The following MEPE variants were observed in gnomAD, a reference collection of about 807,000 sequenced individuals.
MEPE encodes the protein matrix, extracellular phosphoglycoprotein with ASARM motif (bone).
A neutral mutation model predicts 7.3 loss-of-function variants in MEPE; 7 were observed. The ratio of observed to expected loss-of-function variants is 0.95; its 90% CI spans 0.54 to 1.79. The LOEUF (loss-of-function observed/expected upper bound fraction) is 1.79. Ranked by LOEUF, MEPE falls within the 40% of genes most tolerant of loss-of-function variation. The probability of loss-of-function intolerance (pLI) is 0.00; values close to 1 mark genes in which losing one functional copy is unlikely to be tolerated. For synonymous variants in MEPE, 214 were observed against 213.1 expected, an observed-to-expected ratio of 1.00 and a Z score of -0.04; for missense variants, 623 against 628.2, an observed-to-expected ratio of 0.99 and a Z score of 0.09.
chr4:87,843,331 G>A (rs528415469), intron 3 of MEPE, among the ~76,000 whole-genome samples: 1 of 152,072 alleles, frequency 6.6e-6, no homozygotes, highest in South Asian at 2.1e-4. Flanking sequence ...ACAAGTCTCC[G>A]GCACTCTGTT....
intron 1 of MEPE, among the ~76,000 whole-genome samples, chr4:87,823,339 C>T (rs760479865): frequency 2.0e-5 from 3 of 152,190 alleles, no homozygotes; most frequent in African/African-American, 4.8e-5. Flanking sequence ...TCCTTCAACA[C>T]GATGACTCAA....
At chr4:87,839,408 G>T (rs73840165) in intron 3 of MEPE, among the ~76,000 whole-genome samples, 1 of 152,030 alleles carries the variant, frequency 6.6e-6, no homozygotes, top group African/African-American at 2.4e-5. Context: ...TTCCATAGAC[G>T]TTTGGTAATA....
At chr4:87,844,541 G>A (rs1723132832) in intron 3 of MEPE, among the ~76,000 whole-genome samples, 1 of 151,808 alleles carries the variant, frequency 6.6e-6, no homozygotes, top group Admixed American at 6.6e-5. Context: ...ACTCCTTTAG[G>A]CAGATGAATA....
At chr4:87,828,173 T>C (rs115488542), upstream of MEPE, among the ~76,000 whole-genome samples, 1,763 of 152,316 alleles carry the variant, frequency 0.012, 9 homozygotes, top group South Asian at 0.018. Flanking sequence ...TAAGCATCTG[T>C]ATGGTAAAGA....
chr4:87,843,906 G>A (rs1046635161), intron 3 of MEPE, among the ~76,000 whole-genome samples: 1 of 152,100 alleles, frequency 6.6e-6, no homozygotes, highest in Non-Finnish European at 1.5e-5. Flanking sequence ...GACATGCATG[G>A]GATAATGTTG....
At chr4:87,834,148 T>C (rs180837398) in intron 1 of MEPE, among the ~76,000 whole-genome samples, 1 of 152,336 alleles carries the variant, frequency 6.6e-6, no homozygotes, top group Non-Finnish European at 1.5e-5. Flanking sequence ...ATTCAATAAA[T>C]GTTAGCCATT....
upstream of MEPE, among the ~76,000 whole-genome samples, chr4:87,831,871 T>C (rs1722608147): frequency 6.6e-6 from 1 of 152,090 alleles, no homozygotes; most frequent in Admixed American, 6.6e-5. Flanking sequence ...GGTCTTCCCA[T>C]AGACAGTCAT....
intron 1 of MEPE, among the ~76,000 whole-genome samples, 165 bp downstream of exon 1, chr4:87,833,179 G>A (rs72875470): frequency 0.068 from 10,363 of 152,064 alleles, 1,193 homozygotes; most frequent in African/African-American, 0.24. Context: ...TAGGAAATGC[G>A]TTACCATGCT....
At chr4:87,843,359 T>C (rs1723086942) in intron 3 of MEPE, among the ~76,000 whole-genome samples, 1 of 152,196 alleles carries the variant, frequency 6.6e-6, no homozygotes, top group Admixed American at 6.5e-5. Context: ...GCAGACCTAA[T>C]TGGATATGAT....
intron 2 of MEPE, among the ~76,000 whole-genome samples, chr4:87,836,116 T>C (rs574939494): frequency 1.3e-5 from 2 of 152,246 alleles, no homozygotes; most frequent in South Asian, 4.1e-4. Context: ...CTGTGAATCA[T>C]TAAATATGAT....
Position 87,843,259 on chromosome 4 carries a change from T to G in MEPE, c.109-1718T>G, listed in dbSNP as rs1409467498. On this transcript the variant is annotated intron_variant, in intron 3 of 3. Coordinates refer to ENST00000361056, the MANE Select transcript of MEPE (RefSeq NM_020203.6). ...TATTTTGTTAATCTCCTGTGAACTTTCACTAGCTCTTCATACTCTACAAAA... is the reference window on the plus strand; with the variant it reads ...TATTTTGTTAATCTCCTGTGAACTTGCACTAGCTCTTCATACTCTACAAAA... 4.6e-5 allele frequency among the ~76,000 whole-genome samples: 7 copies of G among 152,190 alleles called. No homozygotes were observed. In the South Asian group the frequency reaches 1.4e-3, roughly 31 times the overall value.
chr4:87,839,573 G>A, intron 3 of MEPE: 1 of 716,604 alleles, frequency 1.4e-6, no homozygotes, highest in African/African-American at 1.8e-5. Flanking sequence ...ATTTGTCAGA[G>A]GTAGAATTCA....
Position 87,846,681 on chromosome 4 carries a change from A to C in MEPE, c.*235A>C. The C allele has an allele frequency of 2.2e-6, 1 of 452,924 alleles. No homozygotes were observed. The highest frequency in any genetic ancestry group is 5.1e-5 in the South Asian group (1 of 19,796). 28.1% of individuals were successfully genotyped at this position (452,924 alleles called of 1,614,324 possible). A position where few individuals can be genotyped will look rare whatever the true frequency, so the allele number is the denominator to read the frequency against. On this transcript the variant is annotated 3_prime_UTR_variant, in exon 4 of 4. Coordinates refer to ENST00000361056, the MANE Select transcript of MEPE (RefSeq NM_020203.6). Reference sequence around the variant, plus strand: ...AAAAAAAATCATTACAGATCTATGAAATAGGTAACATTTGAGTAGGTGTCA... The same window carrying C: ...AAAAAAAATCATTACAGATCTATGACATAGGTAACATTTGAGTAGGTGTCA...
intron 3 of MEPE, among the ~76,000 whole-genome samples, chr4:87,841,479 T>C (rs1723011460): frequency 6.6e-6 from 1 of 152,174 alleles, no homozygotes. Flanking sequence ...CTTTTACAAA[T>C]AAGTAATTTC....
intron 2 of MEPE, among the ~76,000 whole-genome samples, chr4:87,835,476 T>C (rs1043972699): frequency 6.6e-6 from 1 of 152,230 alleles, no homozygotes; most frequent in Non-Finnish European, 1.5e-5. Flanking sequence ...CTTATCAGAA[T>C]AACCTTTTTG....
chr4:87,823,050 T>C lies in MEPE; in HGVS notation c.-13+1579T>C, dbSNP rs145339985. On this transcript the variant is annotated intron_variant, in intron 1 of 3. Coordinates refer to the MEPE transcript ENST00000424957. ...ATCTCAAAGTTTGGGAAGCATTGAGTGTCCTGGACGTTTCAGAAGGAGGCT... is the reference window on the plus strand; with the variant it reads ...ATCTCAAAGTTTGGGAAGCATTGAGCGTCCTGGACGTTTCAGAAGGAGGCT... 4.7e-3 allele frequency among the ~76,000 whole-genome samples: 719 copies of C among 152,268 alleles called. 5 individuals carry two copies. Among genetic ancestry groups the C allele is most frequent in the Admixed American group, 9.2e-3 (140 of 15,298 alleles).
chr4:87,846,329 A>T lies in MEPE; in HGVS notation c.1461A>T (p.Gln487His). ...CTACACGGAATAAGGGTATGCCACAAGGGAAAGGCTCCTGGGGTAGACAAC... is the reference window on the plus strand; with the variant it reads ...CTACACGGAATAAGGGTATGCCACATGGGAAAGGCTCCTGGGGTAGACAAC... ...NNSTRNKGMP[Q>H]GKGSWGRQPH... is the part of the protein sequence containing the mutation. Residue 487 changes from glutamine to histidine, a missense_variant, in exon 4 of 4, where the codon CAA (glutamine) becomes CAT (histidine). Transcript: ENST00000361056. The T allele has an allele frequency of 1.2e-6, 2 of 1,614,092 alleles. No homozygotes were observed. Among genetic ancestry groups the T allele is most frequent in the Non-Finnish European group, 1.7e-6 (2 of 1,179,966 alleles).
In MEPE at chr4:87,840,865, G is replaced by GAGTTTTTTCCATGCTTTCCAT. The variant is rs554187569; in HGVS notation, c.108+2180_108+2181insAGTTTTTTCCATGCTTTCCAT. 2.2e-4 allele frequency among the ~76,000 whole-genome samples: 34 copies of GAGTTTTTTCCATGCTTTCCAT among 152,278 alleles called. No individual in the cohort carries two copies. The South Asian group carries it at 6.6e-3, about 30-fold the overall frequency. The stretch of plus-strand genomic sequence containing the variant: ...GCCGTTCTCCATGAAAAAACTCATA[G>GAGTTTTTTCCATGCTTTCCAT]GAACCAAAGCATGGAGACAGAAAAG... On this transcript the variant is annotated intron_variant, in intron 3 of 3. Transcript: ENST00000361056.
In MEPE at chr4:87,846,609, A is replaced by ATAG; in HGVS notation, c.*165_*167dup. 5 of 682,584 alleles carry ATAG rather than the reference A, an allele frequency of 7.3e-6. No individual in the cohort carries two copies. The East Asian group carries it at 1.3e-4, about 18-fold the overall frequency. 42.3% of individuals were successfully genotyped at this position (682,584 alleles called of 1,614,324 possible). The stretch of plus-strand genomic sequence containing the variant: ...CCTTGGGGGAATTTTTGCTATCTTA[A>ATAG]TAGTCACAGTATAAAATTCTATTAA... On this transcript the variant is annotated 3_prime_UTR_variant, in exon 4 of 4. Coordinates refer to ENST00000361056, the MANE Select transcript of MEPE (RefSeq NM_020203.6).
Sources: allele counts gnomAD v4.1 joint callset (sites outside exome capture counted in the v4.1 genomes callset), GRCh38; gene constraint gnomAD v4.1.1; transcripts MANE v1.5; gene names NCBI Gene and HGNC (gene_info 2026-07-23, HGNC 2026-07-21).